ZNF821: variants seen among roughly 807,000 people sequenced by gnomAD.
ZNF821 encodes zinc finger protein 821.
Under a neutral mutation model 44.3 loss-of-function variants are expected in ZNF821, and 16 were observed. The observed-to-expected ratio is 0.36, with a 90% CI of 0.24 to 0.55. ZNF821 has a LOEUF of 0.55. Ranked by LOEUF, ZNF821 falls within the 20% of genes least tolerant of loss-of-function variation. The pLI, the probability that ZNF821 is intolerant of heterozygous loss-of-function variation, is 0.86. For missense variants in ZNF821, 436 were observed against 547.6 expected (o/e 0.80, Z 2.03); for synonymous variants, 204 against 197.6 (o/e 1.03, Z -0.27).
chr16:71,891,681 C>T (rs1157019639), intron 1 of ZNF821, among the ~76,000 whole-genome samples: 3 of 152,176 alleles, frequency 2.0e-5, no homozygotes, highest in African/African-American at 7.2e-5. Context: ...CGAAACCAGC[C>T]TGGCCAACAT....
chr16:71,887,416 C>G (rs182022195), upstream of ZNF821, among the ~76,000 whole-genome samples: 4 of 152,192 alleles, frequency 2.6e-5, no homozygotes, highest in Admixed American at 1.3e-4. Context: ...CCCGCCACCA[C>G]GCCCGGCTAA....
Position 71,864,153 on chromosome 16 carries a change from A to T in ZNF821, c.402T>A (p.Ile134=). ...CCATCCATACCTGGTACACGTGAGC[A>T]ATCAACTGCTCCCGGCTCCCGCAGT... The part of the protein sequence containing the change: ...QLDCGSREQL[I]AHVYQHTAAV... Residue 134 remains isoleucine, a synonymous_variant, in exon 6 of 8, where the codon ATT becomes ATA. Coordinates refer to ENST00000425432, the MANE Select transcript of ZNF821 (RefSeq NM_001201552.2). 6.2e-7 allele frequency: 1 copy of T among 1,614,184 alleles called. No individual in the cohort carries two copies. The highest frequency in any genetic ancestry group is 8.5e-7 in the Non-Finnish European group (1 of 1,180,022).
chr16:71,893,076 C>A (rs1021629554), intron 1 of ZNF821, among the ~76,000 whole-genome samples: 1 of 117,770 alleles, frequency 8.5e-6, no homozygotes, highest in African/African-American at 3.2e-5. Context: ...GTCACCCAGG[C>A]TGGAGTGCAG....
chr16:71,867,354 A>G (rs960362654), intron 4 of ZNF821, among the ~76,000 whole-genome samples: 3 of 152,138 alleles, frequency 2.0e-5, no homozygotes, highest in Non-Finnish European at 4.4e-5. Flanking sequence ...ACCTATCTGT[A>G]TGTGGCACTG....
chr16:71,893,808 C>T (rs2036911819), intron 1 of ZNF821: 1 of 151,258 alleles, frequency 6.6e-6, no homozygotes, highest in Non-Finnish European at 1.5e-5. Context: ...GCTCTATTGC[C>T]TAGGCTAGAT....
intron 1 of ZNF821, among the ~76,000 whole-genome samples, chr16:71,891,994 T>TAAA (rs2036888436): frequency 4.6e-5 from 1 of 21,742 alleles, no homozygotes. Context: ...AGACTCCGTC[T>TAAA]CAAAAAAAAA....
At chr16:71,877,579 A>G (rs1321954679) in intron 3 of ZNF821, among the ~76,000 whole-genome samples, 1 of 151,894 alleles carries the variant, frequency 6.6e-6, no homozygotes, top group African/African-American at 2.4e-5. Context: ...TGTTTTTAAG[A>G]AATTTTAGTT....
At chr16:71,861,365 T>C (rs935330049) in intron 7 of ZNF821, among the ~76,000 whole-genome samples, 2 of 152,210 alleles carry the variant, frequency 1.3e-5, no homozygotes, top group African/African-American at 4.8e-5. Flanking sequence ...ACTCACCTCC[T>C]TCCCTCACAC....
rs35889170 is a variant in ZNF821, at chr16:71,894,698, C to CTTTT, written n.448+187_448+190dup. 1.6e-3 allele frequency: 707 copies of CTTTT among 443,618 alleles called. 19 individuals carry two copies. Among genetic ancestry groups the CTTTT allele is most frequent in the African/African-American group, 3.8e-3 (161 of 42,452 alleles). 27.5% of individuals were successfully genotyped at this position (443,618 alleles called of 1,614,324 possible). A position where few individuals can be genotyped will look rare whatever the true frequency, so the allele number is the denominator to read the frequency against. ...TCACTGCTGCTCCCCTAATTTTTAA[C>CTTTT]TTTTTTTTTTTTTTTTTTGTAGCGA... On this transcript the variant is annotated intron_variant and non_coding_transcript_variant, in intron 1 of 2. Coordinates refer to the ZNF821 transcript ENST00000561700.
upstream of ZNF821, among the ~76,000 whole-genome samples, chr16:71,886,899 A>T (rs1296087289): frequency 6.6e-6 from 1 of 152,230 alleles, no homozygotes; most frequent in Non-Finnish European, 1.5e-5. Context: ...GACATTTCAT[A>T]TAAATGTGAT....
upstream of ZNF821, among the ~76,000 whole-genome samples, chr16:71,885,861 A>C (rs13335391): frequency 6.6e-6 from 1 of 152,208 alleles, no homozygotes; most frequent in Non-Finnish European, 1.5e-5. Flanking sequence ...AGAAAATGGA[A>C]TATTATCATC....
intron 3 of ZNF821, among the ~76,000 whole-genome samples, chr16:71,870,597 A>G (rs1286182641): frequency 6.7e-6 from 1 of 150,214 alleles, no homozygotes; most frequent in Admixed American, 6.7e-5. Context: ...CTCCTGCCTT[A>G]GCCTCCTGAG....
At chr16:71,892,553 C>G (rs1256749381) in intron 1 of ZNF821, among the ~76,000 whole-genome samples, 1 of 151,044 alleles carries the variant, frequency 6.6e-6, no homozygotes, top group Non-Finnish European at 1.5e-5. Flanking sequence ...CAGGTGTGAA[C>G]CACCGTGCCC....
At chr16:71,883,338 G>C (rs968997716) in intron 1 of ZNF821, 65 bp from the exon 2 acceptor site, 1 of 405,444 alleles carries the variant, frequency 2.5e-6, no homozygotes, top group African/African-American at 2.1e-5. Context: ...CTGACCCCTG[G>C]GGTTGGGTCT....
chr16:71,893,441 C>A (rs1466178698), intron 1 of ZNF821, among the ~76,000 whole-genome samples: 1 of 151,362 alleles, frequency 6.6e-6, no homozygotes, highest in African/African-American at 2.4e-5. Flanking sequence ...GGATTACAGG[C>A]GTGAGCCACC....
chr16:71,869,425 C>A (rs528908438), intron 3 of ZNF821, among the ~76,000 whole-genome samples: 1 of 152,258 alleles, frequency 6.6e-6, no homozygotes, highest in South Asian at 2.1e-4. Context: ...AGCAAACATT[C>A]ATTGGGCATC....
upstream of ZNF821, among the ~76,000 whole-genome samples, chr16:71,887,740 AT>A (rs1304682077): frequency 6.6e-6 from 1 of 151,678 alleles, no homozygotes; most frequent in Non-Finnish European, 1.5e-5. Context: ...TCTCATTGTG[AT>A]TTTAATTTGC....
intron 1 of ZNF821, chr16:71,894,698 C>CTTT (rs35889170): frequency 0.023 from 10,167 of 442,822 alleles, 592 homozygotes; most frequent in African/African-American, 0.12. Context: ...TAATTTTTAA[C>CTTT]TTTTTTTTTT....
chr16:71,890,074 G>T (rs186949840), intron 1 of ZNF821, among the ~76,000 whole-genome samples: 4 of 152,320 alleles, frequency 2.6e-5, no homozygotes, highest in Admixed American at 2.0e-4. Context: ...ACTGTAAAAT[G>T]CCACAAAGAT....
Sources: gnomAD v4.1 joint callset for allele counts (sites outside exome capture counted in the v4.1 genomes callset) on GRCh38, gnomAD v4.1.1 for gene constraint, MANE v1.5 for transcripts, NCBI Gene and HGNC (gene_info 2026-07-23, HGNC 2026-07-21) for gene names.